Variants in PLD1 observed in about 807,000 individuals in gnomAD.
PLD1 encodes the protein phospholipase D1.
In PLD1, 112 loss-of-function variants were observed where a neutral mutation model predicts 137.1. The ratio of observed to expected loss-of-function variants is 0.82; its 90% CI spans 0.70 to 0.96. The LOEUF is 0.96. Ranked by LOEUF, PLD1 falls within the 40% of genes least tolerant of loss-of-function variation. PLD1 has a pLI of 0.00. For synonymous variants in PLD1, 431 were observed against 454.7 expected (o/e 0.95, Z 0.66); for missense variants, 1,321 against 1,342.0 (o/e 0.98, Z 0.24).
At chr3:171,737,448 C>T in intron 3 of PLD1, 84 bp downstream of exon 3, 1 of 1,181,474 alleles carries the variant, frequency 8.5e-7, no homozygotes, top group South Asian at 1.7e-5. Context: ...ATGATCATAG[C>T]TAAGAGGGAG....
chr3:171,628,437 G>A (rs1734337121), intron 23 of PLD1, among the ~76,000 whole-genome samples: 1 of 152,150 alleles, frequency 6.6e-6, no homozygotes, highest in Non-Finnish European at 1.5e-5. Flanking sequence ...GAGGTATAAG[G>A]AGGAACTGGT....
chr3:171,763,830 C>CTTTTTTTTT (rs71178234), intron 1 of PLD1, among the ~76,000 whole-genome samples: 11 of 86,724 alleles, frequency 1.3e-4, no homozygotes, highest in East Asian at 6.8e-4. Context: ...TTCTTTCTTT[C>CTTTTTTTTT]TTTTTTTTTT....
At chr3:171,783,347 G>A (rs13092034) in intron 1 of PLD1, among the ~76,000 whole-genome samples, 120,472 of 151,850 alleles carry the variant, frequency 0.79, 48,683 homozygotes, top group Middle Eastern at 0.9. Flanking sequence ...AACCAGGGTT[G>A]TGTTTTGCAG....
chr3:171,745,040 A>C (rs1414200209), intron 1 of PLD1, among the ~76,000 whole-genome samples: 1 of 152,224 alleles, frequency 6.6e-6, no homozygotes, highest in Non-Finnish European at 1.5e-5. Context: ...ACGACCTTTT[A>C]AAAACATCCT....
chr3:171,713,768 T>C (rs1717448650), intron 9 of PLD1, 125 bp downstream of exon 9: 4 of 770,764 alleles, frequency 5.2e-6, no homozygotes, highest in Middle Eastern at 3.0e-4. Flanking sequence ...TTACTATTGA[T>C]TGAGGATGAG....
At chr3:171,606,639 C>A (rs897333573) in intron 25 of PLD1, among the ~76,000 whole-genome samples, 3 of 152,144 alleles carry the variant, frequency 2.0e-5, no homozygotes, top group Non-Finnish European at 4.4e-5. Flanking sequence ...AAGAATTGAC[C>A]ACCGGCTTTA....
intron 1 of PLD1, among the ~76,000 whole-genome samples, chr3:171,739,221 A>C (rs1377481503): frequency 1.3e-5 from 2 of 152,214 alleles, no homozygotes; most frequent in Non-Finnish European, 2.9e-5. Context: ...TCTCTCCTGC[A>C]GGTGCTATCA....
intron 11 of PLD1, among the ~76,000 whole-genome samples, chr3:171,707,224 G>T (rs55656923): frequency 0.31 from 46,445 of 151,944 alleles, 8,152 homozygotes; most frequent in African/African-American, 0.46. Flanking sequence ...TAATACCTGG[G>T]TGATAAAATA....
intron 6 of PLD1, among the ~76,000 whole-genome samples, chr3:171,728,241 G>A (rs952007420): frequency 3.3e-5 from 5 of 152,146 alleles, no homozygotes; most frequent in South Asian, 2.1e-4. Flanking sequence ...ACTTGAACCC[G>A]GGAGGCAGAG....
chr3:171,726,165 T>A lies in PLD1; in HGVS notation c.607-89A>T, dbSNP rs4131283. Reference sequence around the variant, plus strand: ...CATGTATTAGGTATAGCTGTGTGTATATACTGTTTGGTGTGCTCCACAGAC... The same window carrying A: ...CATGTATTAGGTATAGCTGTGTGTAAATACTGTTTGGTGTGCTCCACAGAC... On this transcript the variant is annotated intron_variant, in intron 6 of 26. Coordinates refer to ENST00000351298, the MANE Select transcript of PLD1 (RefSeq NM_002662.5). The A allele has an allele frequency of 0.3, 250,101 of 824,584 alleles. 41,907 individuals are homozygous for A. The highest frequency in any genetic ancestry group is 0.52 in the African/African-American group (30,755 of 59,614). The allele number at this position is 824,584 out of a possible 1,614,324, so 51.1% of individuals were successfully genotyped here. A position where few individuals can be genotyped will look rare whatever the true frequency, so the allele number is the denominator to read the frequency against.
intron 23 of PLD1, among the ~76,000 whole-genome samples, chr3:171,626,320 C>T (rs1262359707): frequency 1.3e-5 from 2 of 152,112 alleles, no homozygotes; most frequent in African/African-American, 2.4e-5. Context: ...TAAAAAGAAA[C>T]AAACAAAGCC....
chr3:171,766,735 T>G (rs1395678751), intron 1 of PLD1, among the ~76,000 whole-genome samples: 1 of 152,204 alleles, frequency 6.6e-6, no homozygotes, highest in African/African-American at 2.4e-5. Flanking sequence ...ATTGACTTTT[T>G]CCTTTTGTGA....
chr3:171,636,804 G>C (rs1004379934), intron 23 of PLD1, among the ~76,000 whole-genome samples: 6 of 152,054 alleles, frequency 3.9e-5, no homozygotes, highest in African/African-American at 1.4e-4. Context: ...GTACGATGTT[G>C]ACAAAAGTGA....
chr3:171,637,329 G>A (rs1387404979), intron 23 of PLD1, among the ~76,000 whole-genome samples: 4 of 152,058 alleles, frequency 2.6e-5, no homozygotes, highest in African/African-American at 4.8e-5. Context: ...TCAGCCTCCC[G>A]GGTTCAAGCG....
At chr3:171,660,369 C>G (rs1317564014) in intron 20 of PLD1, among the ~76,000 whole-genome samples, 6 of 152,128 alleles carry the variant, frequency 3.9e-5, no homozygotes, top group African/African-American at 1.4e-4. Context: ...GTTTCTTTTT[C>G]TGAATTCATA....
chr3:171,710,612 G>A (rs569174512), intron 9 of PLD1, among the ~76,000 whole-genome samples: 2 of 152,270 alleles, frequency 1.3e-5, no homozygotes, highest in African/African-American at 4.8e-5. Flanking sequence ...CCTGCTGTGC[G>A]GCCCAGTTCC....
intron 11 of PLD1, among the ~76,000 whole-genome samples, chr3:171,701,053 T>C (rs1716196453): frequency 6.6e-6 from 1 of 152,222 alleles, no homozygotes; most frequent in Non-Finnish European, 1.5e-5. Context: ...CCTCTAAGCA[T>C]GTGAAATCAA....
chr3:171,790,157 T>A (rs545939948), intron 1 of PLD1, among the ~76,000 whole-genome samples: 8 of 152,280 alleles, frequency 5.3e-5, no homozygotes, highest in African/African-American at 1.9e-4. Flanking sequence ...CAGCTGAAAG[T>A]CCTTTAAAAG....
chr3:171,692,602 C>G (rs1386105632), intron 12 of PLD1, among the ~76,000 whole-genome samples, 160 bp from the exon 13 acceptor site: 1 of 152,022 alleles, frequency 6.6e-6, no homozygotes, highest in Admixed American at 6.6e-5. Flanking sequence ...CTCACTGCAA[C>G]CTCCACCTCT....
Sources: gnomAD v4.1 joint callset for allele counts (sites outside exome capture counted in the v4.1 genomes callset) on GRCh38, gnomAD v4.1.1 for gene constraint, MANE v1.5 for transcripts, NCBI Gene and HGNC (gene_info 2026-07-23, HGNC 2026-07-21) for gene names.